ITSN1: variants seen among roughly 807,000 people sequenced by gnomAD.
The protein encoded by ITSN1 is intersectin 1.
Under a neutral mutation model 239.8 loss-of-function variants are expected in ITSN1, and 58 were observed. That is an observed-to-expected ratio of 0.24 (90% CI 0.20 to 0.30). The LOEUF (loss-of-function observed/expected upper bound fraction) is 0.30. Among genes scored for constraint, ITSN1 ranks in the 10% least tolerant of loss-of-function variants. The probability of loss-of-function intolerance (pLI) is 1.00; values close to 1 mark genes in which losing one functional copy is unlikely to be tolerated. For synonymous variants in ITSN1, 780 were observed against 770.8 expected (o/e 1.01, Z -0.20); for missense variants, 1,558 against 2,103.3 (o/e 0.74, Z 5.07).
chr21:33,664,426 G>A (rs896937449), intron 1 of ITSN1, among the ~76,000 whole-genome samples: 7 of 152,126 alleles, frequency 4.6e-5, no homozygotes, highest in African/African-American at 7.2e-5. Flanking sequence ...TGAGAACTAA[G>A]AGTGAGAACT....
rs745718289 is a variant in ITSN1, at chr21:33,772,261, AAGC to A, written c.1247_1249del (p.Gln416del). ...ACTGGAACTGGAGAAGCAACTGGAAAAGCAGCGGGAGCTAGAACGGCAGAGAGA... is the reference window on the plus strand; with the variant it reads ...ACTGGAACTGGAGAAGCAACTGGAAAAGCGGGAGCTAGAACGGCAGAGAGA... On this transcript the variant is annotated inframe_deletion, in exon 12 of 40. Transcript: ENST00000381318. 1.9e-6 allele frequency: 3 copies of A among 1,593,524 alleles called. No individual in the cohort carries two copies. Among genetic ancestry groups the A allele is most frequent in the Admixed American group, 3.6e-5 (2 of 55,438 alleles).
At chr21:33,667,081 A>G (rs990883792) in intron 1 of ITSN1, among the ~76,000 whole-genome samples, 1 of 151,610 alleles carries the variant, frequency 6.6e-6, no homozygotes, top group African/African-American at 2.4e-5. Context: ...CGGCCTCCCA[A>G]ATTCTGAGAT....
At chr21:33,673,188 TTA>T (rs1568903100) in intron 1 of ITSN1, among the ~76,000 whole-genome samples, 1 of 152,174 alleles carries the variant, frequency 6.6e-6, no homozygotes, top group Non-Finnish European at 1.5e-5. Flanking sequence ...AAGATCTCAC[TTA>T]TATGTGGAAT....
rs148324208 is a variant in ITSN1, at chr21:33,797,907, C to G, written c.2182+299C>G. Reference sequence around the variant, plus strand: ...TATGCTGCAAAAGAACCTGCTGTTTCTCTGGTTTGTTATTTCCCTCCCTGG... The same window carrying G: ...TATGCTGCAAAAGAACCTGCTGTTTGTCTGGTTTGTTATTTCCCTCCCTGG... On this transcript the variant is annotated intron_variant, in intron 18 of 39. Coordinates refer to ENST00000381318, the MANE Select transcript of ITSN1 (RefSeq NM_003024.3). The surrounding 1 kb of genome is among the most constrained non-coding windows in gnomAD (Gnocchi z 4.9). Among the ~76,000 whole-genome samples, 79 of 152,282 alleles carry G rather than the reference C, an allele frequency of 5.2e-4. No individual in the cohort carries two copies. The highest frequency in any genetic ancestry group is 6.8e-3 in the Middle Eastern group (2 of 294).
At chr21:33,811,858 A>G (rs369414737) in intron 21 of ITSN1, among the ~76,000 whole-genome samples, 3 of 152,234 alleles carry the variant, frequency 2.0e-5, no homozygotes, top group African/African-American at 7.2e-5. Context: ...TAGATGAGCA[A>G]TTGTCTAAAA....
intron 1 of ITSN1, among the ~76,000 whole-genome samples, chr21:33,691,342 T>G (rs2091537239): frequency 6.6e-6 from 1 of 152,250 alleles, no homozygotes; most frequent in East Asian, 1.9e-4. Context: ...TTTAAGTTTT[T>G]TACTCCACCT....
At chr21:33,862,990 T>TTCA (rs1210583017) in intron 31 of ITSN1, among the ~76,000 whole-genome samples, 1 of 152,210 alleles carries the variant, frequency 6.6e-6, no homozygotes, top group African/African-American at 2.4e-5. Flanking sequence ...CCTTTTGCAG[T>TTCA]TCAAGTCCTC....
In ITSN1 at chr21:33,886,270, G is replaced by A. The variant is rs192651384; in HGVS notation, c.4844-17G>A. On this transcript the variant is annotated splice_polypyrimidine_tract_variant and intron_variant, in intron 38 of 39. Coordinates refer to ENST00000381318, the MANE Select transcript of ITSN1 (RefSeq NM_003024.3). ...GAGGTGTGAGTTCCACCTGGCGAAG[G>A]CTTTTGTTCCCTCCAGGAAAGAGCA... is the stretch of plus-strand genomic sequence containing the variant. 1.2e-6 allele frequency: 2 copies of A among 1,606,792 alleles called. No individual in the cohort carries two copies. Among genetic ancestry groups the A allele is most frequent in the Non-Finnish European group, 1.7e-6 (2 of 1,177,270 alleles).
intron 1 of ITSN1, among the ~76,000 whole-genome samples, chr21:33,646,752 A>G (rs2087991680): frequency 6.6e-6 from 1 of 152,244 alleles, no homozygotes; most frequent in South Asian, 2.1e-4. Flanking sequence ...GGTGTATAAA[A>G]ATACCTAAAA....
intron 12 of ITSN1, 97 bp downstream of exon 12, chr21:33,772,420 C>A: frequency 7.1e-7 from 1 of 1,416,402 alleles, no homozygotes; most frequent in Non-Finnish European, 9.5e-7. Context: ...TGTCTTTTTA[C>A]AATTCAGTAG....
intron 33 of ITSN1, among the ~76,000 whole-genome samples, chr21:33,867,572 G>A (rs1408757431): frequency 6.6e-6 from 1 of 151,712 alleles, no homozygotes; most frequent in Admixed American, 6.6e-5. Context: ...AGGCCGAGGT[G>A]GGCAGATCGC....
At chr21:33,817,068 A>C (rs957026896) in intron 22 of ITSN1, among the ~76,000 whole-genome samples, 1 of 152,164 alleles carries the variant, frequency 6.6e-6, no homozygotes, top group Non-Finnish European at 1.5e-5. Flanking sequence ...GCATGTACAA[A>C]TTGGTTCTGA....
chr21:33,803,208 T>C (rs970691578), intron 20 of ITSN1, among the ~76,000 whole-genome samples: 4 of 152,256 alleles, frequency 2.6e-5, no homozygotes, highest in African/African-American at 9.6e-5. Context: ...GGATATAATA[T>C]ACATTGTTAG....
chr21:33,752,381 G>A (rs953863493), intron 7 of ITSN1, among the ~76,000 whole-genome samples: 5 of 151,948 alleles, frequency 3.3e-5, no homozygotes, highest in African/African-American at 1.2e-4. Flanking sequence ...TATTAAAGAC[G>A]ATTTATTATG....
intron 1 of ITSN1, among the ~76,000 whole-genome samples, chr21:33,657,706 C>CA (rs749478513): frequency 9.2e-5 from 14 of 152,194 alleles, no homozygotes; most frequent in Non-Finnish European, 1.6e-4. Flanking sequence ...CACATATAAG[C>CA]AGGGCTCCGT....
rs1314328246 is a variant in ITSN1, at chr21:33,797,620, C to CA, written c.2182+17dup. 10 of 1,604,094 alleles carry CA rather than the reference C, an allele frequency of 6.2e-6. No homozygotes were observed. Among genetic ancestry groups the CA allele is most frequent in the Non-Finnish European group, 8.5e-6 (10 of 1,172,696 alleles). On this transcript the variant is annotated intron_variant, in intron 18 of 39. Transcript: ENST00000381318. This position sits in a 1 kb window ranked among gnomAD's most constrained non-coding sequence, Gnocchi z 4.9. ...CTGGTCCACTGCAGGTATTAGAAGC[C>CA]AAAAATAATTATAGAAAATAAGTCA...
intron 8 of ITSN1, among the ~76,000 whole-genome samples, chr21:33,761,459 C>T (rs937670454): frequency 6.6e-6 from 1 of 151,566 alleles, no homozygotes; most frequent in East Asian, 1.9e-4. Flanking sequence ...TCCCGGAGAT[C>T]TCTCCGAGGT....
chr21:33,839,237 C>G (rs545006316), intron 29 of ITSN1, among the ~76,000 whole-genome samples: 1 of 152,178 alleles, frequency 6.6e-6, no homozygotes, highest in African/African-American at 2.4e-5. Context: ...CAAACTCCTG[C>G]AATCCATATA....
rs1320555009 is a variant in ITSN1 at position 33,766,021 on chromosome 21, C to T, written c.926+9C>T. 3 of 1,614,092 alleles carry T rather than the reference C, an allele frequency of 1.9e-6. No homozygotes were observed. Among genetic ancestry groups the T allele is most frequent in the Non-Finnish European group, 2.5e-6 (3 of 1,179,984 alleles). On this transcript the variant is annotated intron_variant, in intron 10 of 39. Transcript: ENST00000381318. ...ATTCCACCTTCTTTTAGGTAAGGAA[C>T]ATGGGCTCTGATCAGGAATTGTATG...
Sources: allele counts gnomAD v4.1 joint callset (sites outside exome capture counted in the v4.1 genomes callset), GRCh38; gene constraint gnomAD v4.1.1; non-coding constraint Gnocchi (gnomAD v3.1); transcripts MANE v1.5; gene names NCBI Gene and HGNC (gene_info 2026-07-23, HGNC 2026-07-21).